MKS1: variants seen among roughly 807,000 people sequenced by gnomAD.
MKS1 encodes tectonic-like complex member MKS1.
MKS1 carries 70 observed loss-of-function variants against 83.7 expected under a neutral mutation model. The observed-to-expected ratio is 0.84, with a 90% CI of 0.69 to 1.02. The LOEUF is 1.02. Among genes scored for constraint, MKS1 ranks in the 50% least tolerant of loss-of-function variants. The pLI, the probability that MKS1 is intolerant of heterozygous loss-of-function variation, is 0.00. For synonymous variants in MKS1, 251 were observed against 273.4 expected, an observed-to-expected ratio of 0.92 and a Z score of 0.81; for missense variants, 681 against 726.9, an observed-to-expected ratio of 0.94 and a Z score of 0.73.
chr17:58,212,893 G>A (rs1478234874), intron 8 of MKS1, 89 bp downstream of exon 8: 19 of 1,321,948 alleles, frequency 1.4e-5, no homozygotes, highest in Admixed American at 3.4e-5. Context: ...GGCTTTTCCC[G>A]AGCAACTGCT....
intron 2 of MKS1, 144 bp downstream of exon 2, chr17:58,218,476 A>AGCC: frequency 2.3e-6 from 1 of 428,088 alleles, no homozygotes; most frequent in Non-Finnish European, 4.3e-6. Context: ...AAAAAAAAAA[A>AGCC]AAAAGCCACA....
At chr17:58,208,766 A>G (rs1968691553) in intron 11 of MKS1, among the ~76,000 whole-genome samples, 183 bp from the exon 12 acceptor site, 1 of 151,880 alleles carries the variant, frequency 6.6e-6, no homozygotes. Flanking sequence ...CAGCAGATAA[A>G]CACGTGAACA....
Position 58,218,691 on chromosome 17 carries a change from T to C in MKS1, c.119A>G (p.His40Arg). The C allele has an allele frequency of 6.2e-7, 1 of 1,613,788 alleles. No individual in the cohort carries two copies. The highest frequency in any genetic ancestry group is 8.5e-7 in the Non-Finnish European group (1 of 1,179,902). Residue 40 changes from histidine (H) to arginine (R), a missense_variant, in exon 2 of 18, where the codon CAT (histidine) becomes CGT (arginine). His to Arg is a conservative substitution (Grantham distance 29). Around this residue, in one of 3 missense-constraint regions of MKS1, gnomAD observed 365 missense variants for 383.8 expected, o/e 0.95. Coordinates refer to ENST00000393119, the MANE Select transcript of MKS1 (RefSeq NM_017777.4). The stretch of plus-strand genomic sequence containing the variant: ...CCCGAGCTCGGCAGCAGGCTGATAA[T>C]GAAGAAAGTTGCTTGATGTGATTCT... The part of the protein sequence containing the change: ...LQRITSSNFL[H>R]YQPAAELGKD...
At chr17:58,211,110 C>T (rs1968849976) in intron 9 of MKS1, 88 bp from the exon 10 acceptor site, 2 of 1,381,480 alleles carry the variant, frequency 1.4e-6, no homozygotes, top group Non-Finnish European at 1.0e-6. Flanking sequence ...CTGCAGACGA[C>T]CTGCCACTAG....
chr17:58,210,837 C>T, intron 10 of MKS1, 113 bp from the exon 11 acceptor site: 1 of 1,433,978 alleles, frequency 7.0e-7, no homozygotes, highest in Non-Finnish European at 9.8e-7. Flanking sequence ...GGGCCAGGAA[C>T]CCTCTGCGTT....
At position 58,210,972 on chromosome 17, in the gene MKS1, A is replaced by T; in HGVS notation, c.958+8T>A. 3 of 1,613,608 alleles carry T rather than the reference A, an allele frequency of 1.9e-6. No homozygotes were observed. Among genetic ancestry groups the T allele is most frequent in the Non-Finnish European group, 2.5e-6 (3 of 1,179,560 alleles). On this transcript the variant is annotated splice_region_variant and intron_variant, in intron 10 of 17. Transcript: ENST00000393119. ...GCATCAAGAGATCTATGCTAGCAAG[A>T]CACTTACCGACCTCTCCATTTACAA...
chr17:58,219,132 G>A lies in MKS1; in HGVS notation c.80+19C>T. The A allele has an allele frequency of 6.4e-7, 1 of 1,550,706 alleles. No homozygotes were observed. Among genetic ancestry groups the A allele is most frequent in the East Asian group, 2.4e-5 (1 of 40,926 alleles). ...GGACACAAAAGCATGGGGCCTCGGG[G>A]CTGGGGCGGTGCGACTACCGGAGGC... On this transcript the variant is annotated intron_variant, in intron 1 of 17. Coordinates refer to ENST00000393119, the MANE Select transcript of MKS1 (RefSeq NM_017777.4).
intron 11 of MKS1, among the ~76,000 whole-genome samples, chr17:58,208,882 G>A (rs1459681700): frequency 3.3e-5 from 5 of 152,054 alleles, no homozygotes; most frequent in Non-Finnish European, 5.9e-5. Context: ...GGAGCATGCT[G>A]CCTTCAAGCA....
rs754247081 is a variant in MKS1 at position 58,218,743 on chromosome 17, C to T, written c.81-14G>A. On this transcript the variant is annotated splice_polypyrimidine_tract_variant and intron_variant, in intron 1 of 17. Transcript: ENST00000393119. ...TGCAGGTGGACTCTGTCAAGAAAAG[C>T]CCAAAATATTCGTTACCAGACACGC... is the stretch of plus-strand genomic sequence containing the variant. The T allele has an allele frequency of 6.3e-7, 1 of 1,595,966 alleles. No homozygotes were observed. Among genetic ancestry groups the T allele is most frequent in the Non-Finnish European group, 8.6e-7 (1 of 1,163,694 alleles).
Position 58,214,853 on chromosome 17 carries a change from C to G in MKS1, c.418-15G>C, listed in dbSNP as rs750031301. On this transcript the variant is annotated splice_polypyrimidine_tract_variant and intron_variant, in intron 4 of 17. Coordinates refer to ENST00000393119, the MANE Select transcript of MKS1 (RefSeq NM_017777.4). ...CTCTGACAGTGCTGGGAAAAGCAAG[C>G]AGCCCTGTGTACGCCATCTGGTCAG... 2 of 1,594,878 alleles carry G rather than the reference C, an allele frequency of 1.3e-6. No individual in the cohort carries two copies. Among genetic ancestry groups the G allele is most frequent in the Non-Finnish European group, 1.7e-6 (2 of 1,176,338 alleles).
At chr17:58,216,523 A>G (rs1969228101) in intron 3 of MKS1, 143 bp downstream of exon 3, 1 of 982,732 alleles carries the variant, frequency 1.0e-6, no homozygotes, top group Admixed American at 2.0e-5. Context: ...GGCAATCCCT[A>G]TGTTACAATG....
intron 2 of MKS1, among the ~76,000 whole-genome samples, chr17:58,217,008 G>T (rs977474999): frequency 6.6e-6 from 1 of 152,056 alleles, no homozygotes; most frequent in Non-Finnish European, 1.5e-5. Context: ...TTTTCTGGGG[G>T]GGATGGAGTC....
rs941730269 is a variant in MKS1 at position 58,209,122 on chromosome 17, T to C, written c.1025-539A>G. ...CTTTCTTTTCCCCACATTTCCCCCT[T>C]TTCTTTTTGACAAAACCGCCATCGT... is the stretch of plus-strand genomic sequence containing the variant. On this transcript the variant is annotated intron_variant, in intron 11 of 17. Transcript: ENST00000393119. The surrounding 1 kb of genome is among the most constrained non-coding windows in gnomAD (Gnocchi z 4.1). 5.3e-5 allele frequency among the ~76,000 whole-genome samples: 8 copies of C among 152,140 alleles called. No individual in the cohort carries two copies. Among genetic ancestry groups the C allele is most frequent in the African/African-American group, 1.9e-4 (8 of 41,408 alleles).
In MKS1 at chr17:58,213,982, G is replaced by A. The variant is rs1184299357; in HGVS notation, c.645-113C>T. The stretch of plus-strand genomic sequence containing the variant: ...AGAGGCTATAGGGAGAGCTGTCATG[G>A]TAAAACTTTCTTCCAAGTACAACTA... On this transcript the variant is annotated intron_variant, in intron 6 of 17. Coordinates refer to ENST00000393119, the MANE Select transcript of MKS1 (RefSeq NM_017777.4). 5 of 1,050,748 alleles carry A rather than the reference G, an allele frequency of 4.8e-6. No individual in the cohort carries two copies. In the Admixed American group the frequency reaches 8.0e-5, roughly 17 times the overall value. 65.1% of individuals were successfully genotyped at this position (1,050,748 alleles called of 1,614,324 possible). A position where few individuals can be genotyped will look rare whatever the true frequency, so the allele number is the denominator to read the frequency against.
Position 58,214,842 on chromosome 17 carries a change from G to A in MKS1, c.418-4C>T. The stretch of plus-strand genomic sequence containing the variant: ...CAGTGGTCATTCTCTGACAGTGCTG[G>A]GAAAAGCAAGCAGCCCTGTGTACGC... On this transcript the variant is annotated splice_polypyrimidine_tract_variant and splice_region_variant and intron_variant, in intron 4 of 17. Transcript: ENST00000393119. The A allele has an allele frequency of 6.3e-7, 1 of 1,599,222 alleles. No individual in the cohort carries two copies. The highest frequency in any genetic ancestry group is 2.2e-5 in the East Asian group (1 of 44,664).
intron 12 of MKS1, 50 bp from the exon 13 acceptor site, chr17:58,208,224 TCTC>T: frequency 2.0e-6 from 3 of 1,487,470 alleles, no homozygotes; most frequent in Non-Finnish European, 2.8e-6. Context: ...TGGAATCTGT[TCTC>T]CTTGTGGCCA....
In MKS1 at chr17:58,206,501, G is replaced by GTGCC. The variant is rs386834044; in HGVS notation, c.1450_1453dup (p.Thr485ArgfsTer107). 43 of 1,613,942 alleles carry GTGCC rather than the reference G, an allele frequency of 2.7e-5. No individual in the cohort carries two copies. In the South Asian group the frequency reaches 4.6e-4, roughly 17 times the overall value. ...CAGACAGTGCAAGCGGAAGGTGACAGTGCCTGTGGTCTCTGTGCGGAGTCC... is the reference window on the plus strand; with the variant it reads ...CAGACAGTGCAAGCGGAAGGTGACAGTGCCTGCCTGTGGTCTCTGTGCGGAGTCC... On this transcript the variant is annotated frameshift_variant, in exon 16 of 18. Transcript: ENST00000393119. LOFTEE classifies it high-confidence loss of function.
chr17:58,206,335 C>A lies in MKS1; in HGVS notation c.1536G>T (p.Val512=). The change falls in exon 17 of 18, where the codon GTG becomes GTT. Residue 512 remains valine, a synonymous_variant. Transcript: ENST00000393119. The stretch of plus-strand genomic sequence containing the variant: ...GGCTGAACCCTTCCAGACGGTCCAA[C>A]ACACTCCGCATCCTTTTCTGAAGGG... ...SSSLQKRMRS[V]LDRLEGFSQQ... is the part of the protein sequence containing the mutation. The A allele has an allele frequency of 6.2e-7, 1 of 1,614,100 alleles. No individual in the cohort carries two copies. Among genetic ancestry groups the A allele is most frequent in the Non-Finnish European group, 8.5e-7 (1 of 1,180,016 alleles).
At chr17:58,211,461 G>C (rs1403285974) in intron 9 of MKS1, among the ~76,000 whole-genome samples, 2 of 152,232 alleles carry the variant, frequency 1.3e-5, no homozygotes, top group Admixed American at 6.5e-5. Context: ...CAGAGAAAGA[G>C]AGGGAGACCA....
Sources: allele counts gnomAD v4.1 joint callset (sites outside exome capture counted in the v4.1 genomes callset), GRCh38; gene constraint gnomAD v4.1.1; regional missense constraint gnomAD v4.1.1; non-coding constraint Gnocchi (gnomAD v3.1); transcripts MANE v1.5; gene names NCBI Gene and HGNC (gene_info 2026-07-23, HGNC 2026-07-21).